The following SHOC2 variants were observed in gnomAD, a reference collection of about 807,000 sequenced individuals.
SHOC2 encodes the protein leucine-rich repeat protein SHOC-2.
SHOC2 carries 4 observed loss-of-function variants against 50.2 expected under a neutral mutation model. The observed-to-expected ratio is 0.08, with a 90% CI of 0.04 to 0.18. SHOC2 has a LOEUF of 0.18. Ranked by LOEUF, SHOC2 falls within the 10% of genes least tolerant of loss-of-function variation. SHOC2 has a pLI of 1.00. For synonymous variants in SHOC2, 218 were observed against 244.5 expected, an observed-to-expected ratio of 0.89 and a Z score of 1.01; for missense variants, 388 against 669.6, an observed-to-expected ratio of 0.58 and a Z score of 4.64.
chr10:110,958,267 T>C (rs1161873949), intron 1 of SHOC2, among the ~76,000 whole-genome samples: 1 of 151,340 alleles, frequency 6.6e-6, no homozygotes, highest in Non-Finnish European at 1.5e-5. Flanking sequence ...CAGGCTGGAG[T>C]GCAGTGGTGC....
At chr10:110,982,699 G>A (rs1256675548) in intron 2 of SHOC2, among the ~76,000 whole-genome samples, 3 of 151,756 alleles carry the variant, frequency 2.0e-5, no homozygotes, top group Admixed American at 6.6e-5. Flanking sequence ...TTTTTGATGG[G>A]GTTGTTTGTT....
chr10:110,923,000 G>A (rs918677268), intron 1 of SHOC2, among the ~76,000 whole-genome samples: 6 of 152,056 alleles, frequency 3.9e-5, no homozygotes, highest in African/African-American at 1.4e-4. Flanking sequence ...CATGCATTAT[G>A]TGTTGTGCAT....
At chr10:111,006,239 A>G (rs922159477) in intron 5 of SHOC2, among the ~76,000 whole-genome samples, 1 of 152,264 alleles carries the variant, frequency 6.6e-6, no homozygotes, top group Non-Finnish European at 1.5e-5. Context: ...TAAATATTAC[A>G]TAGATAACAA....
chr10:110,973,610 A>G (rs1847822969), intron 2 of SHOC2, among the ~76,000 whole-genome samples: 1 of 152,092 alleles, frequency 6.6e-6, no homozygotes, highest in Non-Finnish European at 1.5e-5. Flanking sequence ...TTTGTGCAGA[A>G]TTAGTATTAT....
At chr10:110,950,968 T>C (rs1432320088) in intron 1 of SHOC2, among the ~76,000 whole-genome samples, 1 of 152,194 alleles carries the variant, frequency 6.6e-6, no homozygotes, top group Non-Finnish European at 1.5e-5. Flanking sequence ...TTTCTTGACA[T>C]TGGTTGGGGC....
chr10:110,967,241 G>T (rs936426931), intron 2 of SHOC2, among the ~76,000 whole-genome samples: 1 of 152,164 alleles, frequency 6.6e-6, no homozygotes, highest in Non-Finnish European at 1.5e-5. Context: ...ATTTACTGAA[G>T]ATCATGCTTC....
intron 8 of SHOC2, 49 bp downstream of exon 8, chr10:111,009,879 G>T: frequency 1.1e-6 from 1 of 946,760 alleles, no homozygotes; most frequent in Non-Finnish European, 1.7e-6. Context: ...TTGCTCTTGT[G>T]CATTCAAGCA....
intron 7 of SHOC2, 128 bp downstream of exon 7, chr10:111,009,513 G>A (rs1196419976): frequency 2.2e-6 from 2 of 904,712 alleles, no homozygotes; most frequent in African/African-American, 1.7e-5. Context: ...TTAGGGCTGA[G>A]TTTTATGTTC....
intron 1 of SHOC2, among the ~76,000 whole-genome samples, chr10:110,949,331 G>A (rs1847306593): frequency 6.6e-6 from 1 of 152,066 alleles, no homozygotes. Context: ...ACAAACAGAT[G>A]GATAGCCTAG....
chr10:110,970,458 A>G (rs1050279654), intron 2 of SHOC2, among the ~76,000 whole-genome samples: 1 of 152,188 alleles, frequency 6.6e-6, no homozygotes, highest in African/African-American at 2.4e-5. Context: ...GGTTGATTCC[A>G]TATCTTGACT....
At position 110,946,552 on chromosome 10, in the gene SHOC2, TTC is replaced by T. The variant is rs1325196884; in HGVS notation, c.-234-17569_-234-17568del. Among the ~76,000 whole-genome samples, 4 of 151,994 alleles carry T rather than the reference TTC, an allele frequency of 2.6e-5. No homozygotes were observed. The East Asian group carries it at 7.7e-4, about 29-fold the overall frequency. On this transcript the variant is annotated intron_variant, in intron 1 of 8. Coordinates refer to ENST00000369452, the MANE Select transcript of SHOC2 (RefSeq NM_007373.4). ...CAGGGTAAAAAGAATAGGAAGACATTTCTCTTTTATATGTAGATCAAGAATGA... is the reference window on the plus strand; with the variant it reads ...CAGGGTAAAAAGAATAGGAAGACATTTCTTTTATATGTAGATCAAGAATGA...
At chr10:111,000,629 T>A in intron 4 of SHOC2, 84 bp downstream of exon 4, 1 of 1,241,396 alleles carries the variant, frequency 8.1e-7, no homozygotes, top group Non-Finnish European at 1.2e-6. Context: ...TATAGCAGGG[T>A]AAATAATTTG....
intron 2 of SHOC2, among the ~76,000 whole-genome samples, chr10:110,970,660 T>C (rs1847763209): frequency 6.6e-6 from 1 of 152,086 alleles, no homozygotes. Context: ...ACCAACAGTG[T>C]ATGAGAGTTC....
At chr10:110,972,360 T>C (rs1011687913) in intron 2 of SHOC2, among the ~76,000 whole-genome samples, 4 of 152,088 alleles carry the variant, frequency 2.6e-5, no homozygotes, top group Non-Finnish European at 5.9e-5. Context: ...ATAATCTCAT[T>C]TGAATGTTTG....
At chr10:110,951,056 A>G (rs760253820) in intron 1 of SHOC2, among the ~76,000 whole-genome samples, 2 of 152,244 alleles carry the variant, frequency 1.3e-5, no homozygotes, top group African/African-American at 4.8e-5. Flanking sequence ...TCAACTGAAT[A>G]AGCTTCGGCA....
intron 1 of SHOC2, among the ~76,000 whole-genome samples, chr10:110,928,438 T>A (rs1318387266): frequency 6.6e-6 from 1 of 152,354 alleles, no homozygotes; most frequent in East Asian, 1.9e-4. Flanking sequence ...TAGGAAAATA[T>A]GGTTATAAAG....
At chr10:110,936,575 G>A (rs1373570018) in intron 1 of SHOC2, 1 of 457,472 alleles carries the variant, frequency 2.2e-6, no homozygotes, top group Admixed American at 5.0e-5. Flanking sequence ...GAAAGGGCAT[G>A]TCCTTTTCTT....
intron 2 of SHOC2, among the ~76,000 whole-genome samples, chr10:110,976,188 G>A (rs1005951435): frequency 1.3e-5 from 2 of 152,178 alleles, no homozygotes; most frequent in African/African-American, 2.4e-5. Context: ...GGGATTACAG[G>A]CGTGAGCTAC....
At chr10:110,976,388 T>C (rs989573973) in intron 2 of SHOC2, among the ~76,000 whole-genome samples, 2 of 151,856 alleles carry the variant, frequency 1.3e-5, no homozygotes, top group Non-Finnish European at 2.9e-5. Flanking sequence ...TATGGCTCAC[T>C]GCAGCCTCGA....
Sources: gnomAD v4.1 joint callset for allele counts (sites outside exome capture counted in the v4.1 genomes callset) on GRCh38, gnomAD v4.1.1 for gene constraint, MANE v1.5 for transcripts, NCBI Gene and HGNC (gene_info 2026-07-23, HGNC 2026-07-21) for gene names.